Variants in DTNA observed in about 807,000 individuals in gnomAD.
DTNA encodes dystrophin-related protein 3.
Under a neutral mutation model 100.7 loss-of-function variants are expected in DTNA, and 43 were observed. That is an observed-to-expected ratio of 0.43 (90% CI 0.33 to 0.55). The LOEUF is 0.55. Among genes scored for constraint, DTNA ranks in the 20% least tolerant of loss-of-function variants. The pLI, the probability that DTNA is intolerant of heterozygous loss-of-function variation, is 0.04. For synonymous variants in DTNA, 349 were observed against 347.9 expected (o/e 1.00, Z -0.04); for missense variants, 798 against 953.9 (o/e 0.84, Z 2.15).
chr18:34,817,612 A>T (rs553788358), intron 7 of DTNA, among the ~76,000 whole-genome samples: 1 of 152,316 alleles, frequency 6.6e-6, no homozygotes, highest in South Asian at 2.1e-4. Flanking sequence ...GATGTAGGCA[A>T]CACCACTCGT....
intron 16 of DTNA, among the ~76,000 whole-genome samples, chr18:34,860,530 T>C (rs2096611115): frequency 6.6e-6 from 1 of 152,200 alleles, no homozygotes; most frequent in South Asian, 2.1e-4. Context: ...AAGCAAGTTC[T>C]TTATGACTAT....
chr18:34,867,550 C>T (rs2096719043), intron 17 of DTNA: 1 of 1,124,822 alleles, frequency 8.9e-7, no homozygotes, highest in African/African-American at 1.6e-5. Flanking sequence ...TGGCTTCTTT[C>T]CTCTCCTGTC....
intron 11 of DTNA, 106 bp downstream of exon 11, chr18:34,829,595 G>T: frequency 8.4e-7 from 1 of 1,183,536 alleles, no homozygotes. Context: ...CGTCTTATTG[G>T]AGATAGAGGT....
chr18:34,822,972 C>T (rs962070383), intron 9 of DTNA, among the ~76,000 whole-genome samples: 1 of 152,064 alleles, frequency 6.6e-6, no homozygotes, highest in Non-Finnish European at 1.5e-5. Flanking sequence ...GCAAATTGTA[C>T]AAGATATTTA....
At chr18:34,636,741 T>C (rs2058710603) in intron 1 of DTNA, among the ~76,000 whole-genome samples, 1 of 152,178 alleles carries the variant, frequency 6.6e-6, no homozygotes, top group Admixed American at 6.5e-5. Flanking sequence ...TTTCTAAGTT[T>C]GCCTTGTTTT....
At chr18:34,590,276 TTTAA>T (rs2049579689) in intron 1 of DTNA, among the ~76,000 whole-genome samples, 1 of 152,230 alleles carries the variant, frequency 6.6e-6, no homozygotes, top group African/African-American at 2.4e-5. Flanking sequence ...CAGTATCTAT[TTTAA>T]TTACTTTTAA....
intron 1 of DTNA, among the ~76,000 whole-genome samples, chr18:34,606,028 A>G (rs2053023652): frequency 6.6e-6 from 1 of 152,166 alleles, no homozygotes; most frequent in Non-Finnish European, 1.5e-5. Context: ...AAAAAAATCC[A>G]CTTCAGTTAG....
chr18:34,806,150 A>G (rs1248047176), intron 4 of DTNA, 69 bp from the exon 5 acceptor site: 1 of 1,339,820 alleles, frequency 7.5e-7, no homozygotes, highest in Admixed American at 1.8e-5. Flanking sequence ...TGTTGCTGGA[A>G]GTACTCCAAA....
At chr18:34,558,211 C>G (rs1318267454) in intron 1 of DTNA, 1 of 152,888 alleles carries the variant, frequency 6.5e-6, no homozygotes, top group Non-Finnish European at 1.5e-5. Context: ...GAGGCAATGC[C>G]TTGCCTTGCT....
chr18:34,863,204 T>C lies in DTNA; in HGVS notation c.1647-762T>C, dbSNP rs76559322. ...TAACATTCCTCATCATACTGTTTCATTTCTTTCCCCCTTTAAAGATCTTTT... is the reference window on the plus strand; with the variant it reads ...TAACATTCCTCATCATACTGTTTCACTTCTTTCCCCCTTTAAAGATCTTTT... On this transcript the variant is annotated intron_variant, in intron 16 of 22. Transcript: ENST00000444659. Among the ~76,000 whole-genome samples the C allele has an allele frequency of 7.0e-3, 1,066 of 152,348 alleles. 16 individuals are homozygous for C. Among genetic ancestry groups the C allele is most frequent in the African/African-American group, 0.024 (1,016 of 41,582 alleles).
intron 3 of DTNA, among the ~76,000 whole-genome samples, chr18:34,789,384 T>C (rs1032572480): frequency 2.0e-5 from 3 of 152,260 alleles, no homozygotes; most frequent in African/African-American, 7.2e-5. Context: ...TTAAAACCCA[T>C]GTCTTCATAC....
At chr18:34,516,346 G>T (rs2041613534) in intron 1 of DTNA, among the ~76,000 whole-genome samples, 1 of 152,146 alleles carries the variant, frequency 6.6e-6, no homozygotes, top group Admixed American at 6.6e-5. Flanking sequence ...AATGAAGCCA[G>T]AGCAAGATCA....
intron 14 of DTNA, among the ~76,000 whole-genome samples, chr18:34,849,942 T>A (rs2096451990): frequency 6.6e-6 from 1 of 152,232 alleles, no homozygotes; most frequent in African/African-American, 2.4e-5. Flanking sequence ...CATGCACATG[T>A]TATTATTTAT....
At position 34,736,185 on chromosome 18, in the gene DTNA, G is replaced by T. The variant is rs188558816; in HGVS notation, c.-1-19791G>T. Among the ~76,000 whole-genome samples, 1,028 of 152,202 alleles carry T rather than the reference G, an allele frequency of 6.8e-3. 5 individuals are homozygous for T. Among genetic ancestry groups the T allele is most frequent in the Middle Eastern group, 0.02 (6 of 294 alleles). On this transcript the variant is annotated intron_variant, in intron 1 of 22. Coordinates refer to ENST00000444659, the MANE Select transcript of DTNA (RefSeq NM_001386795.1). ...CCTTCAGATTAGCTAACACTGATAA[G>T]TATTATAAAGGAGAGCAATACCACA...
chr18:34,655,742 G>A (rs1210311201), intron 1 of DTNA, among the ~76,000 whole-genome samples: 1 of 152,096 alleles, frequency 6.6e-6, no homozygotes, highest in Admixed American at 6.6e-5. Context: ...CCCAAGTATT[G>A]TTTTAACCAA....
Position 34,889,586 on chromosome 18 carries a change from A to G in DTNA, c.*1852A>G. On this transcript the variant is annotated 3_prime_UTR_variant, in exon 23 of 23. Coordinates refer to ENST00000444659, the MANE Select transcript of DTNA (RefSeq NM_001386795.1). ...TGCCCAGCCAAGTCCTGACATCTTC[A>G]TGCCCCCTCTGCAGAGGGCGGCTGT... 2 of 985,376 alleles carry G rather than the reference A, an allele frequency of 2.0e-6. No homozygotes were observed. Among genetic ancestry groups the G allele is most frequent in the Non-Finnish European group, 2.4e-6 (2 of 829,920 alleles). The allele number at this position is 985,376 out of a possible 1,614,324, so 61.0% of individuals were successfully genotyped here. A position where few individuals can be genotyped will look rare whatever the true frequency, so the allele number is the denominator to read the frequency against.
intron 1 of DTNA, among the ~76,000 whole-genome samples, chr18:34,716,440 G>A (rs911397352): frequency 1.3e-5 from 2 of 152,152 alleles, no homozygotes; most frequent in African/African-American, 4.8e-5. Context: ...GCAGGCGCCT[G>A]TAATCCCAGC....
intron 11 of DTNA, 112 bp downstream of exon 11, chr18:34,829,601 G>A: frequency 1.8e-6 from 2 of 1,142,162 alleles, no homozygotes; most frequent in Non-Finnish European, 1.2e-6. Flanking sequence ...ATTGGAGATA[G>A]AGGTCTTCTG....
intron 1 of DTNA, among the ~76,000 whole-genome samples, chr18:34,545,626 A>G (rs957950569): frequency 6.6e-6 from 1 of 152,114 alleles, no homozygotes; most frequent in Non-Finnish European, 1.5e-5. Context: ...CTCCTTGTTT[A>G]AGGAATATGA....
Sources: allele counts gnomAD v4.1 joint callset (sites outside exome capture counted in the v4.1 genomes callset), GRCh38; gene constraint gnomAD v4.1.1; transcripts MANE v1.5; gene names NCBI Gene and HGNC (gene_info 2026-07-23, HGNC 2026-07-21).